The following HDAC9 variants were observed in gnomAD, a reference collection of about 807,000 sequenced individuals.
HDAC9 encodes MEF-2 interacting transcription repressor (MITR) protein.
Under a neutral mutation model 139.4 loss-of-function variants are expected in HDAC9, and 41 were observed. The observed-to-expected ratio is 0.29, with a 90% CI of 0.23 to 0.38. HDAC9 has a LOEUF of 0.38. HDAC9 is among the 10% of genes least tolerant of loss of function. HDAC9 has a pLI of 1.00. For synonymous variants in HDAC9, 517 were observed against 476.2 expected (o/e 1.09, Z -1.12); for missense variants, 1,147 against 1,297.0 (o/e 0.88, Z 1.78).
At chr7:18,873,229 A>G (rs1236680941) in intron 21 of HDAC9, among the ~76,000 whole-genome samples, 16 of 152,184 alleles carry the variant, frequency 1.1e-4, no homozygotes, top group Admixed American at 1.0e-3. Flanking sequence ...ACAATTGTGT[A>G]TAGTAAATAA....
chr7:18,979,832 T>G (rs942860576), intron 25 of HDAC9, among the ~76,000 whole-genome samples: 1 of 152,108 alleles, frequency 6.6e-6, no homozygotes, highest in African/African-American at 2.4e-5. Context: ...GAGCAAGAGC[T>G]TACTTATCAC....
chr7:18,582,685 C>T (rs1207316381), intron 2 of HDAC9, among the ~76,000 whole-genome samples: 1 of 152,078 alleles, frequency 6.6e-6, no homozygotes, highest in Non-Finnish European at 1.5e-5. Context: ...ATTTCAATAA[C>T]AATACTAGAA....
intron 12 of HDAC9, among the ~76,000 whole-genome samples, chr7:18,702,703 C>T (rs1783587066): frequency 6.6e-6 from 1 of 152,156 alleles, no homozygotes; most frequent in Non-Finnish European, 1.5e-5. Flanking sequence ...TGCATAGTAA[C>T]AAACCTGTCA....
intron 1 of HDAC9, among the ~76,000 whole-genome samples, chr7:18,398,485 T>C (rs2128730910): frequency 6.6e-6 from 1 of 152,260 alleles, no homozygotes; most frequent in African/African-American, 2.4e-5. Flanking sequence ...TGTTTTTGTT[T>C]CTTTTTGTCT....
chr7:18,338,589 G>A (rs1781760735), intron 1 of HDAC9, among the ~76,000 whole-genome samples: 1 of 151,386 alleles, frequency 6.6e-6, no homozygotes, highest in Non-Finnish European at 1.5e-5. Flanking sequence ...TATTAATATG[G>A]CATCTTTTAT....
chr7:18,185,848 A>G (rs188728665), intron 2 of HDAC9, among the ~76,000 whole-genome samples: 1 of 152,240 alleles, frequency 6.6e-6, no homozygotes, highest in Non-Finnish European at 1.5e-5. Context: ...CTCCATAAAG[A>G]AAGCATGATT....
chr7:18,811,626 G>T (rs1177217055), intron 17 of HDAC9, among the ~76,000 whole-genome samples: 2 of 151,568 alleles, frequency 1.3e-5, no homozygotes, highest in Non-Finnish European at 3.0e-5. Flanking sequence ...TACATTTATT[G>T]ATATTTATAA....
intron 14 of HDAC9, among the ~76,000 whole-genome samples, chr7:18,756,006 AG>A (rs1477196179): frequency 1.3e-5 from 2 of 152,132 alleles, no homozygotes; most frequent in African/African-American, 2.4e-5. Flanking sequence ...AAGTATGGAC[AG>A]CTCCCTCTAA....
intron 13 of HDAC9, among the ~76,000 whole-genome samples, chr7:18,742,843 C>G (rs2129142696): frequency 6.6e-6 from 1 of 152,258 alleles, no homozygotes; most frequent in East Asian, 1.9e-4. Context: ...CTTGCAATCC[C>G]TGTTTATCAT....
intron 25 of HDAC9, among the ~76,000 whole-genome samples, chr7:18,983,015 T>G (rs528180481): frequency 1.4e-4 from 21 of 152,300 alleles, no homozygotes; most frequent in Middle Eastern, 3.4e-3. Flanking sequence ...AGTACAGCAG[T>G]GTTTATATGT....
chr7:18,310,621 G>C (rs146819746), intron 1 of HDAC9, among the ~76,000 whole-genome samples: 64 of 152,204 alleles, frequency 4.2e-4, no homozygotes, highest in African/African-American at 1.4e-3. Context: ...ATTTAGAGTT[G>C]GGAATATCCC....
intron 1 of HDAC9, among the ~76,000 whole-genome samples, chr7:18,403,900 A>G (rs1330060623): frequency 1.3e-5 from 2 of 152,214 alleles, no homozygotes; most frequent in East Asian, 3.8e-4. Flanking sequence ...TGGGTAGGGC[A>G]GGGTAAATAA....
chr7:18,129,353 C>G (rs1168859661), intron 1 of HDAC9, among the ~76,000 whole-genome samples: 2 of 151,968 alleles, frequency 1.3e-5, no homozygotes, highest in Non-Finnish European at 2.9e-5. Context: ...GTGTCTTTCT[C>G]TCATGCTAGA....
intron 13 of HDAC9, among the ~76,000 whole-genome samples, chr7:18,744,796 C>T (rs1050845287): frequency 6.6e-6 from 1 of 151,896 alleles, no homozygotes; most frequent in African/African-American, 2.4e-5. Context: ...AAAGAGAAAG[C>T]ACAAAGTCCA....
chr7:18,867,936 A>T (rs1798617145), intron 21 of HDAC9, among the ~76,000 whole-genome samples: 2 of 152,080 alleles, frequency 1.3e-5, no homozygotes, highest in African/African-American at 4.8e-5. Context: ...TAAGTTATGC[A>T]ATTTTAGTTT....
Position 18,727,665 on chromosome 7 carries a change from A to G in HDAC9, c.1817A>G (p.His606Arg). The G allele has an allele frequency of 6.3e-7, 1 of 1,592,802 alleles. No individual in the cohort carries two copies. Among genetic ancestry groups the G allele is most frequent in the Non-Finnish European group, 8.5e-7 (1 of 1,172,174 alleles). ...GTTGGCATGGATGGATTAGAGAAAC[A>G]CCGTCTCGTCTCCAGGACTCACTCT... The part of the protein sequence containing the change: ...AAVGMDGLEK[H>R]RLVSRTHSSP... The change falls in exon 13 of 26, where the codon CAC becomes CGC. Residue 606 changes from histidine (H) to arginine (R), a missense_variant. By Grantham distance (29) the His-to-Arg change is conservative. Around this residue, in one of 7 missense-constraint regions of HDAC9, gnomAD observed 256 missense variants for 219.2 expected, o/e 1.17. Coordinates refer to ENST00000686413, the MANE Select transcript of HDAC9 (RefSeq NM_178425.4).
In HDAC9 at chr7:18,578,791, G is replaced by A. The variant is rs548395420; in HGVS notation, c.23-6490G>A. Among the ~76,000 whole-genome samples, 20 of 152,294 alleles carry A rather than the reference G, an allele frequency of 1.3e-4. 1 individual carries two copies. The South Asian group carries it at 4.1e-3, about 32-fold the overall frequency. On this transcript the variant is annotated intron_variant, in intron 2 of 25. Transcript: ENST00000686413. ...CAAAGACTGCAATGTGCTACTCTTG[G>A]ATCTTCAGCCCTCAAGACCTCTTCA...
At chr7:18,519,639 C>T (rs932555709) in intron 2 of HDAC9, among the ~76,000 whole-genome samples, 2 of 152,038 alleles carry the variant, frequency 1.3e-5, no homozygotes, top group Admixed American at 6.6e-5. Context: ...GGGGTGTTGT[C>T]ATGTATTAGT....
At chr7:18,955,072 G>T (rs1342937719) in intron 24 of HDAC9, among the ~76,000 whole-genome samples, 1 of 152,032 alleles carries the variant, frequency 6.6e-6, no homozygotes, top group Non-Finnish European at 1.5e-5. Context: ...GTGACTGAGG[G>T]CTATATGTAC....
Sources: gnomAD v4.1 joint callset for allele counts (sites outside exome capture counted in the v4.1 genomes callset) on GRCh38, gnomAD v4.1.1 for gene constraint, gnomAD v4.1.1 regional missense constraint, MANE v1.5 for transcripts, NCBI Gene and HGNC (gene_info 2026-07-23, HGNC 2026-07-21) for gene names.